The following ATG13 variants were observed in gnomAD, a reference collection of about 807,000 sequenced individuals.
The protein encoded by ATG13 is autophagy-related protein 13.
In ATG13, 23 loss-of-function variants were observed where a neutral mutation model predicts 65.5. The observed-to-expected ratio is 0.35, with a 90% CI of 0.25 to 0.50. ATG13 has a LOEUF of 0.50. ATG13 is among the 20% of genes least tolerant of loss of function. ATG13 has a pLI of 0.98. For synonymous variants in ATG13, 252 were observed against 245.2 expected (o/e 1.03, Z -0.26); for missense variants, 566 against 677.0 (o/e 0.84, Z 1.82).
At chr11:46,621,953 G>A (rs1591381724) in intron 1 of ATG13, among the ~76,000 whole-genome samples, 1 of 151,250 alleles carries the variant, frequency 6.6e-6, no homozygotes, top group South Asian at 2.1e-4. Context: ...TCAGCTGTGT[G>A]TCCGAACATT....
chr11:46,630,554 C>T (rs1000873542), intron 2 of ATG13, among the ~76,000 whole-genome samples: 3 of 142,712 alleles, frequency 2.1e-5, no homozygotes, highest in Non-Finnish European at 4.5e-5. Flanking sequence ...TTGGCCTTGG[C>T]AAGAAATTAG....
chr11:46,617,977 C>T (rs2045848570), intron 1 of ATG13, 87 bp downstream of exon 1: 1 of 398,854 alleles, frequency 2.5e-6, no homozygotes, highest in Non-Finnish European at 4.4e-6. Flanking sequence ...GCTGCTGCTT[C>T]GTGGAAGTAG....
In ATG13 at chr11:46,657,230, A is replaced by C. The variant is rs770156072; in HGVS notation, c.596+39A>C. The C allele has an allele frequency of 3.2e-6, 5 of 1,564,958 alleles. No homozygotes were observed. In the South Asian group the frequency reaches 5.6e-5, roughly 17 times the overall value. On this transcript the variant is annotated intron_variant, in intron 9 of 18. Coordinates refer to ENST00000683050, the MANE Select transcript of ATG13 (RefSeq NM_001346311.2). ...CTGGAATCCAAAAGAACTCTTCCGA[A>C]AATGTTAAAGTTTTTTTTCTCCTAA... is the stretch of plus-strand genomic sequence containing the variant.
chr11:46,656,914 CACAT>C, intron 8 of ATG13, 177 bp from the exon 9 acceptor site: 1 of 606,048 alleles, frequency 1.7e-6, no homozygotes, highest in Non-Finnish European at 2.9e-6. Flanking sequence ...TATATACACA[CACAT>C]ACACGCACAT....
intron 1 of ATG13, chr11:46,625,257 A>T (rs1591454732): frequency 7.0e-6 from 1 of 142,136 alleles, no homozygotes. Context: ...CTTTTGCTAT[A>T]GCTTGCTCTT....
chr11:46,627,345 C>T lies in ATG13; in HGVS notation c.-69-2700C>T, dbSNP rs182817866. Among the ~76,000 whole-genome samples the T allele has an allele frequency of 1.8e-4, 28 of 151,980 alleles. No homozygotes were observed. The East Asian group carries it at 4.8e-3, about 26-fold the overall frequency. On this transcript the variant is annotated intron_variant, in intron 1 of 18. Coordinates refer to ENST00000683050, the MANE Select transcript of ATG13 (RefSeq NM_001346311.2). The stretch of plus-strand genomic sequence containing the variant: ...AGTGAGCCGAGATTGCACCACTGCA[C>T]TCCATCCAGGGCGACAGAGCAAGAC...
chr11:46,662,075 G>A (rs569025723), intron 11 of ATG13, among the ~76,000 whole-genome samples: 33 of 152,270 alleles, frequency 2.2e-4, no homozygotes, highest in Admixed American at 3.3e-4. Context: ...GGTCAGGGGA[G>A]CTTCTTGTAT....
At chr11:46,644,182 A>G (rs2056921953) in intron 2 of ATG13, 97 bp from the exon 3 acceptor site, 1 of 898,830 alleles carries the variant, frequency 1.1e-6, no homozygotes, top group East Asian at 2.9e-5. Context: ...CCACATGATT[A>G]TTCCTAGGCT....
At chr11:46,632,540 G>A (rs1252252484) in intron 2 of ATG13, 1 of 152,146 alleles carries the variant, frequency 6.6e-6, no homozygotes, top group Non-Finnish European at 1.5e-5. Flanking sequence ...CTGATGTGTG[G>A]CCTTAAAACC....
chr11:46,621,001 G>T (rs1188098474), intron 1 of ATG13: 1 of 151,960 alleles, frequency 6.6e-6, no homozygotes, highest in Non-Finnish European at 1.5e-5. Context: ...AAATAGTTAA[G>T]AATCATTTTA....
At chr11:46,645,735 A>G (rs1212969791) in intron 4 of ATG13, 135 bp from the exon 5 acceptor site, 1 of 1,251,320 alleles carries the variant, frequency 8.0e-7, no homozygotes. Context: ...ATTATCCCTT[A>G]TGGGGAAGGG....
intron 5 of ATG13, among the ~76,000 whole-genome samples, 198 bp downstream of exon 5, chr11:46,646,187 C>T (rs994310027): frequency 6.6e-6 from 1 of 152,052 alleles, no homozygotes; most frequent in African/African-American, 2.4e-5. Context: ...CTCGATCTGT[C>T]GCCCAGGCTG....
At position 46,673,366 on chromosome 11, in the gene ATG13, G is replaced by A. The variant is rs1346681957; in HGVS notation, c.*1034G>A. 6.6e-6 allele frequency: 1 copy of A among 152,572 alleles called. No homozygotes were observed. The highest frequency in any genetic ancestry group is 1.5e-5 in the Non-Finnish European group (1 of 68,328). 9.5% of individuals were successfully genotyped at this position (152,572 alleles called of 1,614,324 possible). A position where few individuals can be genotyped will look rare whatever the true frequency, so the allele number is the denominator to read the frequency against. ...GTGGCTGCACTGGAACTGACTAAAGGCTTTACCTTGGATAGTTGCGTATTC... is the reference window on the plus strand; with the variant it reads ...GTGGCTGCACTGGAACTGACTAAAGACTTTACCTTGGATAGTTGCGTATTC... On this transcript the variant is annotated 3_prime_UTR_variant, in exon 19 of 19. Transcript: ENST00000683050.
At chr11:46,633,006 AT>A (rs1315848312) in intron 2 of ATG13, among the ~76,000 whole-genome samples, 37 of 99,126 alleles carry the variant, frequency 3.7e-4, no homozygotes, top group African/African-American at 1.4e-3. Flanking sequence ...AAAAAAAAAT[AT>A]ATATATATAT....
intron 2 of ATG13, among the ~76,000 whole-genome samples, chr11:46,634,491 G>A (rs2053209894): frequency 2.1e-5 from 3 of 139,734 alleles, no homozygotes; most frequent in Non-Finnish European, 3.1e-5. Flanking sequence ...TCCGCCTCCC[G>A]GGTTCAAGCA....
rs555371476 is a variant in ATG13, at chr11:46,666,045, G to T, written c.1136+526G>T. ...TGGTCTCGAACTCCTGGCTTCCAGTGATCCTCCCGCCTTGACTTCCCAAAG... is the reference window on the plus strand; with the variant it reads ...TGGTCTCGAACTCCTGGCTTCCAGTTATCCTCCCGCCTTGACTTCCCAAAG... On this transcript the variant is annotated intron_variant, in intron 14 of 18. Coordinates refer to ENST00000683050, the MANE Select transcript of ATG13 (RefSeq NM_001346311.2). Among the ~76,000 whole-genome samples, 5 of 152,176 alleles carry T rather than the reference G, an allele frequency of 3.3e-5. No homozygotes were observed. The South Asian group carries it at 1.0e-3, about 32-fold the overall frequency.
chr11:46,668,351 A>G, intron 15 of ATG13, 148 bp from the exon 16 acceptor site: 2 of 728,662 alleles, frequency 2.7e-6, no homozygotes. Flanking sequence ...GAGCTTGGAG[A>G]GCCTCTAACA....
At chr11:46,656,101 G>A (rs2059999167) in intron 7 of ATG13, 132 bp from the exon 8 acceptor site, 1 of 710,642 alleles carries the variant, frequency 1.4e-6, no homozygotes, top group Non-Finnish European at 2.4e-6. Flanking sequence ...AATTACTAAT[G>A]CTCCATCAGC....
At chr11:46,644,804 A>G (rs905811516) in intron 3 of ATG13, among the ~76,000 whole-genome samples, 4 of 152,148 alleles carry the variant, frequency 2.6e-5, no homozygotes, top group African/African-American at 9.7e-5. Context: ...TTTGAATGCC[A>G]TATTTTCCTA....
Sources: gnomAD v4.1 joint callset for allele counts (sites outside exome capture counted in the v4.1 genomes callset) on GRCh38, gnomAD v4.1.1 for gene constraint, MANE v1.5 for transcripts, NCBI Gene and HGNC (gene_info 2026-07-23, HGNC 2026-07-21) for gene names.